NRP1: variants seen among roughly 807,000 people sequenced by gnomAD.
The protein encoded by NRP1 is neuropilin-1.
In NRP1, 35 loss-of-function variants were observed where a neutral mutation model predicts 106.7. That is an observed-to-expected ratio of 0.33 (90% confidence interval 0.25 to 0.43). The LOEUF (loss-of-function observed/expected upper bound fraction) is 0.43, where lower values mean the gene tolerates loss of function less well. Ranked by LOEUF, NRP1 falls within the 20% of genes least tolerant of loss-of-function variation. The pLI is 1.00. For missense variants in NRP1, 1,024 were observed against 1,170.4 expected (o/e 0.87, Z 1.83); for synonymous variants, 437 against 417.9 (o/e 1.05, Z -0.56).
intron 2 of NRP1, among the ~76,000 whole-genome samples, chr10:33,272,342 C>T (rs544962842): frequency 6.6e-6 from 1 of 152,184 alleles, no homozygotes; most frequent in African/African-American, 2.4e-5. Context: ...AACTGCATTT[C>T]CTCTGCTACA....
chr10:33,333,315 C>G (rs1408815450), intron 1 of NRP1, among the ~76,000 whole-genome samples: 1 of 152,050 alleles, frequency 6.6e-6, no homozygotes, highest in Non-Finnish European at 1.5e-5. Flanking sequence ...TTGCTAAAAT[C>G]ACAAAACCTT....
intron 12 of NRP1, among the ~76,000 whole-genome samples, chr10:33,196,241 G>A (rs1836775405): frequency 6.6e-6 from 1 of 151,976 alleles, no homozygotes; most frequent in African/African-American, 2.4e-5. Context: ...ATTAGCTGGC[G>A]ACTTCATAGT....
Position 33,182,693 on chromosome 10 carries a change from T to G in NRP1, c.2482+5A>C. The G allele has an allele frequency of 6.2e-7, 1 of 1,610,348 alleles. No homozygotes were observed. The highest frequency in any genetic ancestry group is 8.5e-7 in the Non-Finnish European group (1 of 1,177,566). On this transcript the variant is annotated splice_donor_5th_base_variant and intron_variant, in intron 16 of 16. Transcript: ENST00000374867. The stretch of plus-strand genomic sequence containing the variant: ...TTTAAAAATTGGTCAGCAAGACAAA[T>G]TTACCTGTTTCATCAATTTTAATTT...
At chr10:33,226,798 T>A (rs2132946338) in intron 6 of NRP1, among the ~76,000 whole-genome samples, 1 of 152,322 alleles carries the variant, frequency 6.6e-6, no homozygotes, top group South Asian at 2.1e-4. Context: ...AATCAGAAAA[T>A]CTTTGAATCC....
intron 4 of NRP1, 77 bp from the exon 5 acceptor site, chr10:33,256,548 A>G (rs1564428606): frequency 6.6e-7 from 1 of 1,518,298 alleles, no homozygotes. Context: ...ATTTACAAAG[A>G]TGGGCCCCAG....
chr10:33,301,142 C>T (rs540140871), intron 2 of NRP1, among the ~76,000 whole-genome samples: 3 of 152,262 alleles, frequency 2.0e-5, no homozygotes, highest in South Asian at 2.1e-4. Context: ...GAGAGAGGCT[C>T]GGTGCTGTCC....
chr10:33,181,108 T>A (rs1311439482), intron 16 of NRP1, among the ~76,000 whole-genome samples: 1 of 152,200 alleles, frequency 6.6e-6, no homozygotes, highest in Non-Finnish European at 1.5e-5. Flanking sequence ...CTTGTTTTCT[T>A]TGGAGTGGAA....
chr10:33,299,785 C>G (rs1402088143), intron 2 of NRP1, among the ~76,000 whole-genome samples: 2 of 152,048 alleles, frequency 1.3e-5, no homozygotes, highest in Non-Finnish European at 2.9e-5. Context: ...GACCCCGTCT[C>G]TAAAAAAAAT....
intron 6 of NRP1, among the ~76,000 whole-genome samples, chr10:33,237,954 C>G (rs1284327751): frequency 6.6e-6 from 1 of 152,188 alleles, no homozygotes; most frequent in African/African-American, 2.4e-5. Flanking sequence ...CACACATACA[C>G]AAATGCACAC....
chr10:33,299,376 A>C (rs111908677), intron 2 of NRP1, among the ~76,000 whole-genome samples: 3 of 152,138 alleles, frequency 2.0e-5, no homozygotes, highest in Admixed American at 2.0e-4. Flanking sequence ...CAGGCCCTTC[A>C]ATCTGTTGTA....
intron 2 of NRP1, among the ~76,000 whole-genome samples, chr10:33,284,699 G>A (rs2132577767): frequency 6.6e-6 from 1 of 151,686 alleles, no homozygotes; most frequent in African/African-American, 2.4e-5. Flanking sequence ...TTTTTTGATA[G>A]TAATTAGGGA....
At chr10:33,303,587 G>T (rs1326837776) in intron 2 of NRP1, among the ~76,000 whole-genome samples, 2 of 152,108 alleles carry the variant, frequency 1.3e-5, no homozygotes, top group Non-Finnish European at 2.9e-5. Flanking sequence ...TTGTAATAAG[G>T]AAACAAAATG....
At chr10:33,321,710 AAG>A (rs1237828261) in intron 2 of NRP1, among the ~76,000 whole-genome samples, 4 of 152,174 alleles carry the variant, frequency 2.6e-5, no homozygotes, top group African/African-American at 9.7e-5. Context: ...TCCAACAGTT[AAG>A]AGAGTCAGAC....
chr10:33,333,522 G>A (rs1848427076), intron 1 of NRP1, among the ~76,000 whole-genome samples: 1 of 152,130 alleles, frequency 6.6e-6, no homozygotes, highest in Admixed American at 6.5e-5. Context: ...AATAACAATT[G>A]CTGACGACTT....
chr10:33,232,133 A>C (rs891221854), intron 6 of NRP1, among the ~76,000 whole-genome samples: 3 of 152,154 alleles, frequency 2.0e-5, no homozygotes, highest in Non-Finnish European at 4.4e-5. Flanking sequence ...AATAGGCAAG[A>C]CTGGTGACCC....
rs765751912 is a variant in NRP1 at position 33,180,028 on chromosome 10, C to T, written c.*48G>A. On this transcript the variant is annotated 3_prime_UTR_variant, in exon 17 of 17. Transcript: ENST00000374867. ...GATCAACAGCTCCCCAGCTCACTCC[C>T]GTCCTTCCACTTCCGTCCTTTGACT... is the stretch of plus-strand genomic sequence containing the variant. 18 of 1,579,014 alleles carry T rather than the reference C, an allele frequency of 1.1e-5. No homozygotes were observed. Among genetic ancestry groups the T allele is most frequent in the African/African-American group, 4.0e-5 (3 of 74,422 alleles).
At chr10:33,324,909 G>A (rs1847781700) in intron 2 of NRP1, among the ~76,000 whole-genome samples, 1 of 152,162 alleles carries the variant, frequency 6.6e-6, no homozygotes, top group East Asian at 1.9e-4. Context: ...CAATGTTTGC[G>A]AGTGAGCCAC....
Position 33,202,952 on chromosome 10 carries a change from A to G in NRP1, c.1803T>C (p.Asp601=). 1 of 1,614,236 alleles carries G rather than the reference A, an allele frequency of 6.2e-7. No individual in the cohort carries two copies. Among genetic ancestry groups the G allele is most frequent in the Admixed American group, 1.7e-5 (1 of 60,026 alleles). ...GPTTPNGNLV[D]ECDDDQANCH... ...AGTTGGCCTGGTCGTCATCACATTC[A>G]TCCACCAAGTTCCCGTTGGGAGTGG... The change falls in exon 11 of 17, where the codon GAT becomes GAC. Residue 601 remains aspartate (D), a synonymous_variant. Coordinates refer to ENST00000374867, the MANE Select transcript of NRP1 (RefSeq NM_003873.7).
intron 6 of NRP1, among the ~76,000 whole-genome samples, chr10:33,249,081 C>CTTTTT (rs1289632313): frequency 3.1e-5 from 2 of 65,398 alleles, no homozygotes; most frequent in East Asian, 5.7e-4. Context: ...TATTATGTCT[C>CTTTTT]TTGTTTTTTT....
Sources: gnomAD v4.1 joint callset for allele counts (sites outside exome capture counted in the v4.1 genomes callset) on GRCh38, gnomAD v4.1.1 for gene constraint, MANE v1.5 for transcripts, NCBI Gene and HGNC (gene_info 2026-07-23, HGNC 2026-07-21) for gene names.